SHTN1: variants seen among roughly 807,000 people sequenced by gnomAD.
The protein encoded by SHTN1 is shootin 1.
SHTN1 carries 42 observed loss-of-function variants against 83.1 expected under a neutral mutation model. That is an observed-to-expected ratio of 0.51 (90% CI 0.39 to 0.65). SHTN1 has a LOEUF of 0.65. Among genes scored for constraint, SHTN1 ranks in the 30% least tolerant of loss-of-function variants. The pLI is 0.00. For synonymous variants in SHTN1, 224 were observed against 247.7 expected, an observed-to-expected ratio of 0.90 and a Z score of 0.90; for missense variants, 622 against 737.8, an observed-to-expected ratio of 0.84 and a Z score of 1.82.
rs1202426484 is a variant in SHTN1 at position 116,881,681 on chromosome 10, C to T, written c.*4663G>A. Reference sequence around the variant, plus strand: ...CATCCTCTGGATAGGGCTGTACACACCCCAGGTTCCAGCCACACCATCAGT... The same window carrying T: ...CATCCTCTGGATAGGGCTGTACACATCCCAGGTTCCAGCCACACCATCAGT... On this transcript the variant is annotated 3_prime_UTR_variant, in exon 17 of 17. Coordinates refer to ENST00000355371, the MANE Select transcript of SHTN1 (RefSeq NM_001127211.3). 1.4e-6 allele frequency: 2 copies of T among 1,476,624 alleles called. No individual in the cohort carries two copies. Among genetic ancestry groups the T allele is most frequent in the Non-Finnish European group, 1.8e-6 (2 of 1,108,784 alleles). The allele number at this position is 1,476,624 out of a possible 1,614,324, so 91.5% of individuals were successfully genotyped here. A position where few individuals can be genotyped will look rare whatever the true frequency, so the allele number is the denominator to read the frequency against.
At chr10:116,952,031 TATAA>T in intron 5 of SHTN1, 25 bp from the exon 6 acceptor site, 38 of 1,207,998 alleles carry the variant, frequency 3.1e-5, no homozygotes, top group Non-Finnish European at 4.1e-5. Flanking sequence ...AAAAAAAATA[TATAA>T]ATAAACTTAT....
chr10:116,889,047 G>C lies in SHTN1; in HGVS notation c.1674-2481C>G, dbSNP rs1221017209. Reference sequence around the variant, plus strand: ...CTGCTTTCAGCATGCAAAGGAGGTAGTATTTCTCTCATTCTAGGTGAGCAA... The same window carrying C: ...CTGCTTTCAGCATGCAAAGGAGGTACTATTTCTCTCATTCTAGGTGAGCAA... On this transcript the variant is annotated intron_variant, in intron 16 of 16. Coordinates refer to ENST00000355371, the MANE Select transcript of SHTN1 (RefSeq NM_001127211.3). 2.0e-5 allele frequency among the ~76,000 whole-genome samples: 3 copies of C among 152,154 alleles called. No homozygotes were observed. In the East Asian group the frequency reaches 5.8e-4, roughly 29 times the overall value.
chr10:116,983,027 G>C (rs117318660), intron 1 of SHTN1, among the ~76,000 whole-genome samples: 2 of 151,712 alleles, frequency 1.3e-5, no homozygotes, highest in African/African-American at 2.4e-5. Flanking sequence ...TGCAGCTTGA[G>C]AGCTCGAGAA....
chr10:117,100,080 G>A lies in SHTN1; in HGVS notation c.-189+26227C>T, dbSNP rs561698394. Among the ~76,000 whole-genome samples, 4 of 152,292 alleles carry A rather than the reference G, an allele frequency of 2.6e-5. No individual in the cohort carries two copies. The South Asian group carries it at 8.3e-4, about 32-fold the overall frequency. ...TAATCTCAGCTACTAGGGAGGCTGA[G>A]GCAGGAGAATCGCTTGAACCTTGGA... On this transcript the variant is annotated intron_variant, in intron 1 of 17. Transcript: ENST00000392901.
At chr10:117,103,859 A>G (rs913087792) in intron 1 of SHTN1, among the ~76,000 whole-genome samples, 36 of 151,876 alleles carry the variant, frequency 2.4e-4, no homozygotes, top group African/African-American at 7.0e-4. Flanking sequence ...TTTAACTTTT[A>G]TTTTGGGTGT....
At position 116,929,842 on chromosome 10, in the gene SHTN1, C is replaced by A; in HGVS notation, c.1012+7G>T. On this transcript the variant is annotated splice_region_variant and intron_variant, in intron 10 of 16. Coordinates refer to ENST00000355371, the MANE Select transcript of SHTN1 (RefSeq NM_001127211.3). Reference sequence around the variant, plus strand: ...GTAAGACATAGTAGCCTACTCAATGCTTTTACCAGAGTGCTTTAAATTTCT... The same window carrying A: ...GTAAGACATAGTAGCCTACTCAATGATTTTACCAGAGTGCTTTAAATTTCT... 1 of 1,593,066 alleles carries A rather than the reference C, an allele frequency of 6.3e-7. No individual in the cohort carries two copies. Among genetic ancestry groups the A allele is most frequent in the Non-Finnish European group, 8.5e-7 (1 of 1,170,992 alleles).
intron 1 of SHTN1, among the ~76,000 whole-genome samples, chr10:116,998,320 C>G (rs1274967078): frequency 5.9e-5 from 9 of 152,282 alleles, no homozygotes; most frequent in Non-Finnish European, 1.2e-4. Context: ...CTCTGACAGA[C>G]AGTAGTTTCC....
chr10:117,019,694 A>G (rs1852232201), intron 2 of SHTN1, among the ~76,000 whole-genome samples: 1 of 151,772 alleles, frequency 6.6e-6, no homozygotes, highest in Non-Finnish European at 1.5e-5. Context: ...GTAGCTGGTC[A>G]TGTAGCACAT....
At chr10:116,900,822 T>A in intron 16 of SHTN1, 1 of 985,212 alleles carries the variant, frequency 1.0e-6, no homozygotes, top group Non-Finnish European at 1.2e-6. Flanking sequence ...TAGATAAAAC[T>A]GTAAATCAGC....
chr10:117,088,912 T>C (rs2133618522), intron 1 of SHTN1, among the ~76,000 whole-genome samples: 1 of 152,324 alleles, frequency 6.6e-6, no homozygotes, highest in Non-Finnish European at 1.5e-5. Context: ...CATACAAAAG[T>C]AGCTCCTAAC....
chr10:117,029,984 G>T (rs957965432), intron 2 of SHTN1, among the ~76,000 whole-genome samples: 1 of 150,308 alleles, frequency 6.7e-6, no homozygotes, highest in African/African-American at 2.5e-5. Context: ...CGCCTCCCAG[G>T]TTCAAGCTAT....
chr10:116,955,399 T>G (rs774690136), intron 4 of SHTN1, among the ~76,000 whole-genome samples: 1 of 152,188 alleles, frequency 6.6e-6, no homozygotes, highest in Non-Finnish European at 1.5e-5. Flanking sequence ...TACTATAAAA[T>G]GTAAGTTATA....
At chr10:116,888,103 G>A (rs1232888702) in intron 16 of SHTN1, among the ~76,000 whole-genome samples, 7 of 152,198 alleles carry the variant, frequency 4.6e-5, no homozygotes, top group Non-Finnish European at 1.0e-4. Flanking sequence ...CAAACACTAT[G>A]TCTTCCTTGG....
intron 1 of SHTN1, among the ~76,000 whole-genome samples, chr10:117,115,613 G>T (rs989708582): frequency 2.6e-5 from 4 of 152,238 alleles, no homozygotes; most frequent in Admixed American, 2.6e-4. Context: ...AGATAAAGAA[G>T]TCTCTCCTTC....
intron 1 of SHTN1, among the ~76,000 whole-genome samples, chr10:117,054,462 G>C (rs1852798441): frequency 1.3e-5 from 2 of 149,660 alleles, no homozygotes; most frequent in South Asian, 4.3e-4. Flanking sequence ...CTGGAGTGCA[G>C]TGGTGTGATC....
In SHTN1 at chr10:116,881,895, G is replaced by A. The variant is rs898570092; in HGVS notation, c.*4449C>T. ...CCACACTTCCATGTGGATTTTGTTT[G>A]TCTATTAGCTCTCCTGTCCATTTTT... On this transcript the variant is annotated 3_prime_UTR_variant, in exon 17 of 17. Coordinates refer to ENST00000355371, the MANE Select transcript of SHTN1 (RefSeq NM_001127211.3). The A allele has an allele frequency of 2.6e-6, 1 of 387,422 alleles. No individual in the cohort carries two copies. Among genetic ancestry groups the A allele is most frequent in the Non-Finnish European group, 4.5e-6 (1 of 220,854 alleles). The allele number at this position is 387,422 out of a possible 1,614,324, so 24.0% of individuals were successfully genotyped here. A position where few individuals can be genotyped will look rare whatever the true frequency, so the allele number is the denominator to read the frequency against.
chr10:116,996,172 T>C (rs1027887820), intron 1 of SHTN1, among the ~76,000 whole-genome samples: 1 of 152,194 alleles, frequency 6.6e-6, no homozygotes, highest in African/African-American at 2.4e-5. Flanking sequence ...AGGAAAAATA[T>C]TTTCAGAAAA....
At chr10:116,937,798 C>G (rs1392047907) in intron 9 of SHTN1, among the ~76,000 whole-genome samples, 1 of 152,096 alleles carries the variant, frequency 6.6e-6, no homozygotes, top group South Asian at 2.1e-4. Flanking sequence ...TTCCAGTACA[C>G]CAATCAAACG....
chr10:117,103,638 C>T (rs906765004), intron 1 of SHTN1, among the ~76,000 whole-genome samples: 6 of 149,098 alleles, frequency 4.0e-5, no homozygotes, highest in Non-Finnish European at 8.9e-5. Flanking sequence ...CCCAGGTTCA[C>T]GCCATTCTCC....
Sources: gnomAD v4.1 joint callset for allele counts (sites outside exome capture counted in the v4.1 genomes callset) on GRCh38, gnomAD v4.1.1 for gene constraint, MANE v1.5 for transcripts, NCBI Gene and HGNC (gene_info 2026-07-23, HGNC 2026-07-21) for gene names.